The following CNTNAP2 variants were observed in gnomAD, a reference collection of about 807,000 sequenced individuals.
CNTNAP2 encodes contactin-associated protein-like 2.
In CNTNAP2, 98 loss-of-function variants were observed where a neutral mutation model predicts 155.2. The ratio of observed to expected loss-of-function variants is 0.63; its 90% CI spans 0.54 to 0.75. The LOEUF is 0.75. Among genes scored for constraint, CNTNAP2 ranks in the 30% least tolerant of loss-of-function variants. CNTNAP2 has a pLI of 0.00. For synonymous variants in CNTNAP2, 651 were observed against 631.2 expected, an observed-to-expected ratio of 1.03 and a Z score of -0.47; for missense variants, 1,727 against 1,688.1, an observed-to-expected ratio of 1.02 and a Z score of -0.40.
At chr7:148,409,532 C>A in intron 23 of CNTNAP2, 61 bp downstream of exon 23, 1 of 1,421,434 alleles carries the variant, frequency 7.0e-7, no homozygotes, top group South Asian at 1.2e-5. Flanking sequence ...TAATAGTTGT[C>A]AATAACATAG....
intron 1 of CNTNAP2, among the ~76,000 whole-genome samples, chr7:146,307,799 C>G (rs1800742449): frequency 6.6e-6 from 1 of 152,136 alleles, no homozygotes; most frequent in South Asian, 2.1e-4. Context: ...GAAACTGGAT[C>G]CCTTCCTTAC....
At chr7:146,559,366 G>A (rs1267668835) in intron 1 of CNTNAP2, among the ~76,000 whole-genome samples, 2 of 152,084 alleles carry the variant, frequency 1.3e-5, no homozygotes, top group Non-Finnish European at 2.9e-5. Context: ...TCAAGAGATA[G>A]AGACTATCCT....
At chr7:147,116,553 G>T (rs552221836) in intron 5 of CNTNAP2, among the ~76,000 whole-genome samples, 3 of 151,932 alleles carry the variant, frequency 2.0e-5, no homozygotes, top group Non-Finnish European at 4.4e-5. Flanking sequence ...ATGGATGGGG[G>T]GATGGGGCAG....
intron 18 of CNTNAP2, among the ~76,000 whole-genome samples, chr7:148,197,132 TCAA>T (rs541080407): frequency 5.6e-4 from 85 of 152,342 alleles, no homozygotes; most frequent in African/African-American, 2.0e-3. Context: ...TTCCTTTACA[TCAA>T]CAACCTACTA....
At chr7:147,512,782 C>G (rs963763985) in intron 11 of CNTNAP2, among the ~76,000 whole-genome samples, 2 of 152,030 alleles carry the variant, frequency 1.3e-5, no homozygotes, top group African/African-American at 4.8e-5. Context: ...AATAATAAGA[C>G]AGAGTTACAA....
intron 1 of CNTNAP2, among the ~76,000 whole-genome samples, chr7:146,147,057 T>G (rs1249384343): frequency 6.6e-6 from 1 of 152,150 alleles, no homozygotes; most frequent in African/African-American, 2.4e-5. Context: ...GACTTTAATT[T>G]AAGACAGATG....
At chr7:147,175,688 C>T (rs1347390885) in intron 8 of CNTNAP2, among the ~76,000 whole-genome samples, 1 of 152,128 alleles carries the variant, frequency 6.6e-6, no homozygotes, top group African/African-American at 2.4e-5. Context: ...TATGCAGCCA[C>T]AATACCTCTT....
chr7:146,509,008 G>T (rs986162237), intron 1 of CNTNAP2, among the ~76,000 whole-genome samples: 1 of 152,124 alleles, frequency 6.6e-6, no homozygotes, highest in Non-Finnish European at 1.5e-5. Flanking sequence ...CCTCATGTAT[G>T]CAGCACCCTG....
chr7:146,787,989 T>G (rs181843267), intron 2 of CNTNAP2, among the ~76,000 whole-genome samples: 1 of 152,300 alleles, frequency 6.6e-6, no homozygotes, highest in Non-Finnish European at 1.5e-5. Context: ...GGCTGATTGG[T>G]GCTTTTACAA....
At chr7:148,337,619 A>C (rs1181725019) in intron 21 of CNTNAP2, among the ~76,000 whole-genome samples, 2 of 152,212 alleles carry the variant, frequency 1.3e-5, no homozygotes, top group Non-Finnish European at 2.9e-5. Context: ...TCTCCACTTT[A>C]GAGCTTTGTT....
intron 15 of CNTNAP2, among the ~76,000 whole-genome samples, chr7:148,074,138 G>A (rs1803433372): frequency 6.6e-6 from 1 of 152,186 alleles, no homozygotes; most frequent in Non-Finnish European, 1.5e-5. Context: ...AGGCTTAAGA[G>A]AGCCCGTTAT....
intron 11 of CNTNAP2, among the ~76,000 whole-genome samples, chr7:147,518,589 G>A (rs926511670): frequency 1.3e-5 from 2 of 152,200 alleles, no homozygotes; most frequent in Non-Finnish European, 2.9e-5. Context: ...GTTGGATCAT[G>A]TGTTCTCTCA....
chr7:147,788,516 T>C (rs559198133), intron 13 of CNTNAP2, among the ~76,000 whole-genome samples: 183 of 152,352 alleles, frequency 1.2e-3, no homozygotes, highest in African/African-American at 4.2e-3. Context: ...TTATGCTCTT[T>C]GTTGCTCAAA....
At chr7:146,798,337 T>C (rs557371117) in intron 2 of CNTNAP2, among the ~76,000 whole-genome samples, 3 of 152,070 alleles carry the variant, frequency 2.0e-5, no homozygotes, top group Non-Finnish European at 4.4e-5. Flanking sequence ...TCTGACATAA[T>C]TTAGCATGTT....
At chr7:146,806,247 T>G (rs2129192680) in intron 2 of CNTNAP2, among the ~76,000 whole-genome samples, 1 of 152,072 alleles carries the variant, frequency 6.6e-6, no homozygotes, top group African/African-American at 2.4e-5. Context: ...ATCCCAGCAC[T>G]TTGGGCAGCT....
At chr7:146,597,406 T>A (rs1043532284) in intron 1 of CNTNAP2, among the ~76,000 whole-genome samples, 4 of 151,998 alleles carry the variant, frequency 2.6e-5, no homozygotes, top group African/African-American at 7.2e-5. Flanking sequence ...ATGGCAATTT[T>A]AAAAAAATGA....
intron 1 of CNTNAP2, among the ~76,000 whole-genome samples, chr7:146,156,159 A>G (rs1277078007): frequency 6.6e-6 from 1 of 152,222 alleles, no homozygotes; most frequent in Non-Finnish European, 1.5e-5. Flanking sequence ...AAAGATAATG[A>G]CAAAGTATTA....
intron 1 of CNTNAP2, among the ~76,000 whole-genome samples, chr7:146,230,659 A>T (rs536730492): frequency 5.1e-4 from 78 of 152,296 alleles, no homozygotes; most frequent in African/African-American, 1.8e-3. Context: ...TGTTATCTAT[A>T]GAAATAGACA....
At chr7:146,599,737 C>CAG (rs1208267617) in intron 1 of CNTNAP2, among the ~76,000 whole-genome samples, 16 of 66,928 alleles carry the variant, frequency 2.4e-4, no homozygotes, top group Non-Finnish European at 3.8e-4. Flanking sequence ...AGAAAGACGA[C>CAG]AGACAGAGAT....
Sources: allele counts gnomAD v4.1 joint callset (sites outside exome capture counted in the v4.1 genomes callset), GRCh38; gene constraint gnomAD v4.1.1; transcripts MANE v1.5; gene names NCBI Gene and HGNC (gene_info 2026-07-23, HGNC 2026-07-21).